TMEM184B: variants seen among roughly 807,000 people sequenced by gnomAD.
TMEM184B encodes the protein putative MAPK-activating protein FM08.
A neutral mutation model predicts 41.8 loss-of-function variants in TMEM184B; 17 were observed. That is an observed-to-expected ratio of 0.41 (90% confidence interval 0.28 to 0.61). TMEM184B has a LOEUF of 0.61. Among genes scored for constraint, TMEM184B ranks in the 20% least tolerant of loss-of-function variants. The pLI, the probability that TMEM184B is intolerant of heterozygous loss-of-function variation, is 0.34. For synonymous variants in TMEM184B, 240 were observed against 229.5 expected (o/e 1.05, Z -0.41); for missense variants, 393 against 557.8 (o/e 0.70, Z 2.98).
intron 1 of TMEM184B, among the ~76,000 whole-genome samples, chr22:38,264,199 C>A (rs2092412058): frequency 6.6e-6 from 1 of 152,252 alleles, no homozygotes; most frequent in African/African-American, 2.4e-5. Flanking sequence ...GCTGAACCCA[C>A]ACCGGCCCCA....
intron 1 of TMEM184B, among the ~76,000 whole-genome samples, chr22:38,264,410 G>A (rs1414339666): frequency 1.3e-5 from 2 of 152,140 alleles, no homozygotes; most frequent in African/African-American, 4.8e-5. Context: ...CCAGGTGGGA[G>A]GGGGTGGGGG....
chr22:38,232,337 A>G (rs1164166239), intron 3 of TMEM184B: 1 of 152,186 alleles, frequency 6.6e-6, no homozygotes, highest in East Asian at 1.9e-4. Flanking sequence ...GTAAATGTTG[A>G]TGCTATAAAT....
intron 3 of TMEM184B, among the ~76,000 whole-genome samples, chr22:38,234,441 G>A (rs1051243746): frequency 1.2e-4 from 19 of 152,298 alleles, no homozygotes; most frequent in Admixed American, 2.0e-4. Flanking sequence ...AAGGCCCAGA[G>A]GTCATGGAGC....
Position 38,219,783 on chromosome 22 carries a change from C to T in TMEM184B, c.*1686G>A. ...GGTGAAAGCAGATGGCGGGGCAGGG[C>T]CAGGGCTGGTCCTCAGCCTGTGTCT... On this transcript the variant is annotated 3_prime_UTR_variant, in exon 9 of 9. Transcript: ENST00000361906. 2 of 985,578 alleles carry T rather than the reference C, an allele frequency of 2.0e-6. No homozygotes were observed. Among genetic ancestry groups the T allele is most frequent in the Non-Finnish European group, 2.4e-6 (2 of 830,048 alleles). 61.1% of individuals were successfully genotyped at this position (985,578 alleles called of 1,614,324 possible).
At chr22:38,237,375 A>G (rs990538740) in intron 3 of TMEM184B, among the ~76,000 whole-genome samples, 9 of 152,202 alleles carry the variant, frequency 5.9e-5, no homozygotes, top group Non-Finnish European at 8.8e-5. Context: ...TATAACTTCA[A>G]TACACACTCG....
intron 1 of TMEM184B, among the ~76,000 whole-genome samples, chr22:38,268,509 C>T (rs1433311344): frequency 1.3e-5 from 2 of 151,976 alleles, no homozygotes; most frequent in African/African-American, 2.4e-5. Flanking sequence ...ACTTGGGTGA[C>T]CCTTCAATTC....
chr22:38,251,691 C>T (rs2092166265), intron 1 of TMEM184B, among the ~76,000 whole-genome samples: 1 of 152,192 alleles, frequency 6.6e-6, no homozygotes, highest in South Asian at 2.1e-4. Context: ...GCCCAGGTCC[C>T]ACAGGCAAGC....
intron 1 of TMEM184B, among the ~76,000 whole-genome samples, chr22:38,256,977 G>GTTTTTTTTTTTTTTTTTT (rs777863582): frequency 1.6e-5 from 2 of 124,294 alleles, no homozygotes; most frequent in Non-Finnish European, 3.4e-5. Flanking sequence ...GACATTAATA[G>GTTTTTTTTTTTTTTTTTT]TTTTTTTTTT....
At chr22:38,272,138 AC>A (rs1285353137) in intron 1 of TMEM184B, among the ~76,000 whole-genome samples, 1 of 152,120 alleles carries the variant, frequency 6.6e-6, no homozygotes, top group South Asian at 2.1e-4. Flanking sequence ...GCCTTATACA[AC>A]ACCTCCAGAG....
intron 3 of TMEM184B, among the ~76,000 whole-genome samples, chr22:38,234,689 ATGCCGCC>A (rs1293734212): frequency 2.0e-5 from 3 of 152,118 alleles, no homozygotes; most frequent in Middle Eastern, 3.2e-3. Context: ...CCCCACTGAG[ATGCCGCC>A]TCTTCTGTCC....
intron 1 of TMEM184B, among the ~76,000 whole-genome samples, chr22:38,250,310 T>C (rs2092134831): frequency 6.6e-6 from 1 of 152,198 alleles, no homozygotes; most frequent in Non-Finnish European, 1.5e-5. Flanking sequence ...TAGCTGTAAG[T>C]GTGCACCCTA....
At chr22:38,246,170 C>G in intron 2 of TMEM184B, 70 bp from the exon 3 acceptor site, 1 of 1,554,290 alleles carries the variant, frequency 6.4e-7, no homozygotes. Flanking sequence ...GGTGGGCTTC[C>G]AGCTCTGCCA....
At chr22:38,250,411 G>C (rs142128322) in intron 1 of TMEM184B, among the ~76,000 whole-genome samples, 1 of 152,196 alleles carries the variant, frequency 6.6e-6, no homozygotes, top group African/African-American at 2.4e-5. Flanking sequence ...CTCAAAACTG[G>C]AGAAGGCGTC....
chr22:38,260,570 T>G (rs541050231), intron 1 of TMEM184B, among the ~76,000 whole-genome samples: 1 of 152,122 alleles, frequency 6.6e-6, no homozygotes, highest in East Asian at 1.9e-4. Flanking sequence ...GCTAGCTTTG[T>G]GTCTGTGAGC....
chr22:38,230,534 G>C (rs2091582701), intron 5 of TMEM184B, 135 bp downstream of exon 5: 2 of 804,140 alleles, frequency 2.5e-6, no homozygotes, highest in East Asian at 2.7e-5. Context: ...AACAGCTTCG[G>C]GGGGTGGGTG....
rs188829306 is a variant in TMEM184B, at chr22:38,257,562, C to A, written c.-58-9543G>T. 2.2e-3 allele frequency among the ~76,000 whole-genome samples: 341 copies of A among 152,204 alleles called. 3 individuals carry two copies. Among genetic ancestry groups the A allele is most frequent in the Non-Finnish European group, 3.8e-3 (258 of 68,006 alleles). On this transcript the variant is annotated intron_variant, in intron 1 of 8. Transcript: ENST00000361906. Reference sequence around the variant, plus strand: ...CTTCCAAACTCTCTCTCACTGATCACGAAAGCGCACGTTCCAAAAAATGAC... The same window carrying A: ...CTTCCAAACTCTCTCTCACTGATCAAGAAAGCGCACGTTCCAAAAAATGAC...
At chr22:38,272,472 C>A (rs764751026) in intron 1 of TMEM184B, 4 of 985,506 alleles carry the variant, frequency 4.1e-6, no homozygotes, top group East Asian at 1.1e-4. Context: ...GCCACCCGCA[C>A]AGGGCACGGA....
At chr22:38,261,822 C>G (rs9622766) in intron 1 of TMEM184B, among the ~76,000 whole-genome samples, 2 of 152,222 alleles carry the variant, frequency 1.3e-5, no homozygotes, top group Admixed American at 1.3e-4. Context: ...ATCCCTGTAC[C>G]TGCTCTGTCC....
intron 3 of TMEM184B, among the ~76,000 whole-genome samples, chr22:38,235,776 TA>T (rs2091757642): frequency 6.6e-6 from 1 of 152,120 alleles, no homozygotes; most frequent in Non-Finnish European, 1.5e-5. Context: ...CAAAGGTGTT[TA>T]AAATGGAAAA....
Sources: gnomAD v4.1 joint callset for allele counts (sites outside exome capture counted in the v4.1 genomes callset) on GRCh38, gnomAD v4.1.1 for gene constraint, MANE v1.5 for transcripts, NCBI Gene and HGNC (gene_info 2026-07-23, HGNC 2026-07-21) for gene names.